WDPCP: variants seen among roughly 807,000 people sequenced by gnomAD.
WDPCP encodes the protein WD repeat containing planar cell polarity effector, also known as WD repeat-containing and planar cell polarity effector protein fritz homolog.
Under a neutral mutation model 93.1 loss-of-function variants are expected in WDPCP, and 71 were observed. The ratio of observed to expected loss-of-function variants is 0.76; its 90% CI spans 0.63 to 0.93. The LOEUF is 0.93. Ranked by LOEUF, WDPCP falls within the 40% of genes least tolerant of loss-of-function variation. WDPCP has a pLI of 0.00. For missense variants in WDPCP, 844 were observed against 887.4 expected, an observed-to-expected ratio of 0.95 and a Z score of 0.62; for synonymous variants, 315 against 315.0, an observed-to-expected ratio of 1.00 and a Z score of 0.00.
At chr2:63,727,913 T>G (rs551094675) in intron 2 of WDPCP, among the ~76,000 whole-genome samples, 69 of 152,282 alleles carry the variant, frequency 4.5e-4, no homozygotes, top group African/African-American at 1.6e-3. Flanking sequence ...TCTTTTTCCT[T>G]TATTAGTCTA....
chr2:63,792,223 A>G (rs2104004894), intron 2 of WDPCP, among the ~76,000 whole-genome samples: 1 of 152,346 alleles, frequency 6.6e-6, no homozygotes, highest in South Asian at 2.1e-4. Context: ...ACAGTTCCAC[A>G]TGGCTGGGGA....
At chr2:63,606,658 GTTTTTT>G (rs796718833) in intron 3 of WDPCP, among the ~76,000 whole-genome samples, 1 of 145,154 alleles carries the variant, frequency 6.9e-6, no homozygotes, top group Non-Finnish European at 1.5e-5. Flanking sequence ...CATTTTTGAA[GTTTTTT>G]TTTTTTAGAT....
In WDPCP at chr2:63,692,062, GA is replaced by G. The variant is rs537135258; in HGVS notation, n.309-41225del. On this transcript the variant is annotated intron_variant and non_coding_transcript_variant, in intron 2 of 4. Transcript: ENST00000467687. The stretch of plus-strand genomic sequence containing the variant: ...AAGTTACTCTCAATAATTATTCCTG[GA>G]AGGACATTTTCTTCAAGTTTTGTTT... Among the ~76,000 whole-genome samples the G allele has an allele frequency of 6.8e-4, 104 of 152,124 alleles. 1 individual carries two copies. The highest frequency in any genetic ancestry group is 2.4e-3 in the African/African-American group (100 of 41,504).
chr2:63,641,630 G>C (rs1709981206), intron 3 of WDPCP, among the ~76,000 whole-genome samples: 1 of 151,690 alleles, frequency 6.6e-6, no homozygotes, highest in Non-Finnish European at 1.5e-5. Flanking sequence ...CCCATTTTTT[G>C]GATTGGATTA....
intron 1 of WDPCP, among the ~76,000 whole-genome samples, chr2:63,529,942 C>T (rs910375615): frequency 5.9e-5 from 9 of 152,252 alleles, no homozygotes; most frequent in African/African-American, 2.2e-4. Flanking sequence ...GTGTATGTGT[C>T]TAGGAATTTA....
At chr2:63,200,038 G>A (rs1675778426) in intron 14 of WDPCP, among the ~76,000 whole-genome samples, 1 of 152,180 alleles carries the variant, frequency 6.6e-6, no homozygotes, top group African/African-American at 2.4e-5. Context: ...GCTAATGACT[G>A]CTCTGGTGGG....
At chr2:63,511,047 CAA>C (rs1238934689) in intron 1 of WDPCP, among the ~76,000 whole-genome samples, 1 of 152,142 alleles carries the variant, frequency 6.6e-6, no homozygotes, top group African/African-American at 2.4e-5. Flanking sequence ...GCAACTTCAG[CAA>C]AGTCTCAGGA....
intron 14 of WDPCP, among the ~76,000 whole-genome samples, chr2:63,215,664 T>C (rs1677262542): frequency 1.3e-5 from 2 of 152,256 alleles, no homozygotes; most frequent in South Asian, 4.1e-4. Context: ...GGACTTCATG[T>C]CTAAAACACC....
chr2:63,348,533 G>T (rs1689350461), intron 12 of WDPCP, among the ~76,000 whole-genome samples: 1 of 152,050 alleles, frequency 6.6e-6, no homozygotes, highest in African/African-American at 2.4e-5. Flanking sequence ...TTTTCTGACA[G>T]CAATGATGAG....
intron 13 of WDPCP, among the ~76,000 whole-genome samples, chr2:63,307,712 A>G (rs1685850741): frequency 6.6e-6 from 1 of 151,824 alleles, no homozygotes; most frequent in Non-Finnish European, 1.5e-5. Context: ...GACCCCTTAT[A>G]CAAAAATTAA....
intron 17 of WDPCP, among the ~76,000 whole-genome samples, chr2:63,148,220 A>G (rs573937594): frequency 2.6e-5 from 4 of 152,194 alleles, no homozygotes; most frequent in Non-Finnish European, 5.9e-5. Flanking sequence ...CCAGCAACTC[A>G]GGAGGCTGAG....
At chr2:63,185,584 C>T (rs1028470446) in intron 14 of WDPCP, among the ~76,000 whole-genome samples, 3 of 152,106 alleles carry the variant, frequency 2.0e-5, no homozygotes, top group South Asian at 4.1e-4. Flanking sequence ...GGTGAGCAGG[C>T]GCATGACCTC....
intron 2 of WDPCP, among the ~76,000 whole-genome samples, chr2:63,654,952 C>T (rs1710149333): frequency 6.6e-6 from 1 of 152,106 alleles, no homozygotes; most frequent in Admixed American, 6.6e-5. Flanking sequence ...GCTCTCAGCT[C>T]CTCATGCCTG....
chr2:63,300,656 G>A (rs1685260214), intron 13 of WDPCP, among the ~76,000 whole-genome samples: 1 of 152,210 alleles, frequency 6.6e-6, no homozygotes, highest in African/African-American at 2.4e-5. Context: ...TATGTGGGAA[G>A]TTTTACAGTT....
chr2:63,752,882 T>C (rs940479888), intron 2 of WDPCP, among the ~76,000 whole-genome samples: 2 of 151,926 alleles, frequency 1.3e-5, no homozygotes, highest in Non-Finnish European at 2.9e-5. Context: ...TAAGTAGAGA[T>C]GGGGCTTCAC....
intron 2 of WDPCP, among the ~76,000 whole-genome samples, chr2:63,702,324 C>A (rs1473439849): frequency 6.6e-6 from 1 of 151,984 alleles, no homozygotes; most frequent in Non-Finnish European, 1.5e-5. Flanking sequence ...CCGTGCCCAG[C>A]CAAAGACAAA....
chr2:63,758,108 T>A (rs952875629), intron 2 of WDPCP, among the ~76,000 whole-genome samples: 7 of 152,108 alleles, frequency 4.6e-5, no homozygotes, highest in Middle Eastern at 3.4e-3. Flanking sequence ...TTTTTTTTTT[T>A]ATAACCAACC....
In WDPCP at chr2:63,339,876, A is replaced by C. The variant is rs539517458; in HGVS notation, c.1749-26565T>G. Among the ~76,000 whole-genome samples the C allele has an allele frequency of 3.9e-5, 6 of 152,208 alleles. No homozygotes were observed. In the South Asian group the frequency reaches 1.2e-3, roughly 32 times the overall value. ...TTTGAGGTATGTTCCTTCTATACTTATTTTGATGAGGGTTTTCAATCATAA... is the reference window on the plus strand; with the variant it reads ...TTTGAGGTATGTTCCTTCTATACTTCTTTTGATGAGGGTTTTCAATCATAA... On this transcript the variant is annotated intron_variant, in intron 12 of 17. Transcript: ENST00000272321.
At chr2:63,544,621 T>C (rs577284169) in intron 1 of WDPCP, among the ~76,000 whole-genome samples, 2 of 152,240 alleles carry the variant, frequency 1.3e-5, no homozygotes, top group South Asian at 4.2e-4. Context: ...GGTGTATATC[T>C]CCTCTTCTCT....
Sources: gnomAD v4.1 joint callset for allele counts (sites outside exome capture counted in the v4.1 genomes callset) on GRCh38, gnomAD v4.1.1 for gene constraint, MANE v1.5 for transcripts, NCBI Gene and HGNC (gene_info 2026-07-23, HGNC 2026-07-21) for gene names.